Variants in PPP2R1B observed in about 807,000 individuals in gnomAD.
PPP2R1B encodes protein phosphatase 2 scaffold subunit Abeta, also known as serine/threonine-protein phosphatase 2A 65 kDa regulatory subunit A beta isoform.
A neutral mutation model predicts 72.7 loss-of-function variants in PPP2R1B; 58 were observed. The ratio of observed to expected loss-of-function variants is 0.80; its 90% confidence interval spans 0.65 to 0.99. The LOEUF (loss-of-function observed/expected upper bound fraction) is 0.99. PPP2R1B is among the 50% of genes least tolerant of loss of function. PPP2R1B has a pLI of 0.00. For synonymous variants in PPP2R1B, 256 were observed against 264.6 expected (o/e 0.97, Z 0.32); for missense variants, 695 against 733.6 (o/e 0.95, Z 0.61).
chr11:111,722,828 C>G (rs952612426), downstream of PPP2R1B: 2 of 1,389,362 alleles, frequency 1.4e-6, no homozygotes, highest in African/African-American at 1.4e-5. The surrounding 1 kb of genome is among the most constrained non-coding windows in gnomAD (Gnocchi z 4.4). Flanking sequence ...ATGTGTTGTC[C>G]TTTTCCTCTC....
the PPP2R1B span, among the ~76,000 whole-genome samples, chr11:111,689,345 A>G: frequency 6.6e-5 from 10 of 152,214 alleles, no homozygotes; most frequent in African/African-American, 2.4e-4. Context: ...TTTGCATGTC[A>G]GAAATATGTC....
At chr11:111,742,310 T>TGATACGGCGCC in intron 13 of PPP2R1B, 166 bp from the exon 14 acceptor site, 2 of 759,012 alleles carry the variant, frequency 2.6e-6, no homozygotes, top group Non-Finnish European at 4.1e-6. Flanking sequence ...CTCAGCAAAA[T>TGATACGGCGCC]CAGCTTCAGA....
chr11:111,766,058 G>C (rs1322487558), intron 1 of PPP2R1B, 190 bp downstream of exon 1: 2 of 624,628 alleles, frequency 3.2e-6, no homozygotes, highest in African/African-American at 1.8e-5. Context: ...GGTTACTAGA[G>C]AGGTACCCGG....
chr11:111,752,697 C>T (rs1051296498), intron 9 of PPP2R1B, among the ~76,000 whole-genome samples: 1 of 152,088 alleles, frequency 6.6e-6, no homozygotes, highest in Non-Finnish European at 1.5e-5. Context: ...GATAATTGGC[C>T]GGGTGCGGTG....
the PPP2R1B span, among the ~76,000 whole-genome samples, chr11:111,716,773 G>A: frequency 6.6e-6 from 1 of 152,206 alleles, no homozygotes; most frequent in South Asian, 2.1e-4. Context: ...GTACTGCCGG[G>A]TATTTTGTGT....
chr11:111,715,223 T>C, the PPP2R1B span, among the ~76,000 whole-genome samples: 1 of 152,238 alleles, frequency 6.6e-6, no homozygotes, highest in African/African-American at 2.4e-5. Context: ...CCGGGCTTCT[T>C]TGTGGACCGT....
chr11:111,715,699 C>A, the PPP2R1B span, among the ~76,000 whole-genome samples: 3 of 151,104 alleles, frequency 2.0e-5, no homozygotes, highest in Admixed American at 6.6e-5. Flanking sequence ...AGGGCAGATG[C>A]ATAAACCTTG....
chr11:111,736,900 C>G (rs1403181898), downstream of PPP2R1B, among the ~76,000 whole-genome samples: 1 of 152,190 alleles, frequency 6.6e-6, no homozygotes, highest in African/African-American at 2.4e-5. Context: ...ACAAATCGCC[C>G]TCCTAATGAA....
downstream of PPP2R1B, among the ~76,000 whole-genome samples, chr11:111,734,701 C>T (rs1944290106): frequency 6.6e-6 from 1 of 152,254 alleles, no homozygotes. Context: ...TGACTGGACT[C>T]ACATCTCCTG....
At chr11:111,753,657 T>A in intron 8 of PPP2R1B, 80 bp from the exon 9 acceptor site, 6 of 1,422,086 alleles carry the variant, frequency 4.2e-6, no homozygotes, top group Admixed American at 2.3e-5. Flanking sequence ...AACAGAGTCT[T>A]GCTCTGTTGC....
At chr11:111,713,843 T>C in the PPP2R1B span, among the ~76,000 whole-genome samples, 1 of 152,016 alleles carries the variant, frequency 6.6e-6, no homozygotes, top group African/African-American at 2.4e-5. Flanking sequence ...TGCGGGCGCC[T>C]GTAATCCCAG....
the PPP2R1B span, chr11:111,701,623 C>A: frequency 6.3e-7 from 1 of 1,586,288 alleles, no homozygotes; most frequent in South Asian, 1.2e-5. This position sits in a 1 kb window ranked among gnomAD's most constrained non-coding sequence, Gnocchi z 4.2. Context: ...TGTTAGTGCT[C>A]CAAGTGAAAT....
chr11:111,738,489 G>C lies in PPP2R1B; in HGVS notation c.*3107C>G. On this transcript the variant is annotated 3_prime_UTR_variant, in exon 15 of 15. Transcript: ENST00000527614. ...CCAGGTTAACCGCCGGGTCAGGAAG[G>C]ACAGGCTTGCTTCCCTGGAAGTCTA... 1.0e-6 allele frequency: 1 copy of C among 985,426 alleles called. No homozygotes were observed. Among genetic ancestry groups the C allele is most frequent in the Non-Finnish European group, 1.2e-6 (1 of 829,936 alleles). 61.0% of individuals were successfully genotyped at this position (985,426 alleles called of 1,614,324 possible). A position where few individuals can be genotyped will look rare whatever the true frequency, so the allele number is the denominator to read the frequency against.
chr11:111,704,150 C>A, the PPP2R1B span, among the ~76,000 whole-genome samples: 2 of 152,174 alleles, frequency 1.3e-5, no homozygotes, highest in African/African-American at 4.8e-5. Context: ...TGAAACCAAA[C>A]TGATTCTCCT....
downstream of PPP2R1B, chr11:111,722,854 A>G (rs1943843600): frequency 1.8e-6 from 2 of 1,108,552 alleles, no homozygotes; most frequent in African/African-American, 1.6e-5. The surrounding 1 kb of genome is among the most constrained non-coding windows in gnomAD (Gnocchi z 4.4). Context: ...CGCCACTACT[A>G]GGAAAATAGG....
At chr11:111,720,921 T>A in the PPP2R1B span, 4 of 1,613,860 alleles carry the variant, frequency 2.5e-6, no homozygotes, top group Non-Finnish European at 3.4e-6. Context: ...TTAGACAACA[T>A]CTTCAGAATC....
At chr11:111,693,993 G>A in the PPP2R1B span, among the ~76,000 whole-genome samples, 1 of 152,176 alleles carries the variant, frequency 6.6e-6, no homozygotes, top group Non-Finnish European at 1.5e-5. Flanking sequence ...TAAAGGGAGA[G>A]TGATAAAAGT....
chr11:111,724,204 T>G (rs1943897834), downstream of PPP2R1B: 1 of 1,518,046 alleles, frequency 6.6e-7, no homozygotes, highest in Non-Finnish European at 8.8e-7. Flanking sequence ...CCTTTTAAAT[T>G]TAAAGCTTAT....
the PPP2R1B span, chr11:111,712,346 A>G: frequency 3.7e-6 from 6 of 1,614,124 alleles, no homozygotes; most frequent in East Asian, 2.2e-5. Context: ...AGCTGCATTC[A>G]TGGAAGAAGA....
Sources: allele counts gnomAD v4.1 joint callset (sites outside exome capture counted in the v4.1 genomes callset), GRCh38; gene constraint gnomAD v4.1.1; non-coding constraint Gnocchi (gnomAD v3.1); transcripts MANE v1.5; gene names NCBI Gene and HGNC (gene_info 2026-07-23, HGNC 2026-07-21).